Variants in GNB1 observed in about 807,000 individuals in gnomAD.
GNB1 encodes the protein G protein subunit beta 1, also known as guanine nucleotide-binding protein G(I)/G(S)/G(T) subunit beta-1.
In GNB1, 2 loss-of-function variants were observed where a neutral mutation model predicts 42.9. The ratio of observed to expected loss-of-function variants is 0.05; its 90% confidence interval spans 0.02 to 0.15. The LOEUF (loss-of-function observed/expected upper bound fraction) is 0.15. Among genes scored for constraint, GNB1 ranks in the 10% least tolerant of loss-of-function variants. The pLI is 1.00. For synonymous variants in GNB1, 183 were observed against 174.7 expected (o/e 1.05, Z -0.38); for missense variants, 193 against 462.2 (o/e 0.42, Z 5.34).
rs1347068196 is a variant in GNB1, at chr1:1,796,638, G to A, written c.431-3327C>T. On this transcript the variant is annotated intron_variant, in intron 7 of 11. Transcript: ENST00000378609. Reference sequence around the variant, plus strand: ...AACACGCCCCTCCTCCCCTGGTGCGGGGGCCTGTGCTGCCACCCTCTGGAA... The same window carrying A: ...AACACGCCCCTCCTCCCCTGGTGCGAGGGCCTGTGCTGCCACCCTCTGGAA... 2.0e-5 allele frequency among the ~76,000 whole-genome samples: 3 copies of A among 152,224 alleles called. No homozygotes were observed. In the East Asian group the frequency reaches 5.8e-4, roughly 29 times the overall value.
chr1:1,815,761 G>A lies in GNB1; in HGVS notation c.198C>T (p.Asp66=). Residue 66 remains aspartate, a synonymous_variant, in exon 5 of 12, where the codon GAC becomes GAT. Coordinates refer to ENST00000378609, the MANE Select transcript of GNB1 (RefSeq NM_002074.5). ...AKIYAMHWGT[D]SRLLVSASQD... is the part of the protein sequence containing the mutation. ...CTGCTCATGCCCACGCCTACCTGGAGTCTGTGCCCCAGTGCATGGCGTAGA... is the reference window on the plus strand; with the variant it reads ...CTGCTCATGCCCACGCCTACCTGGAATCTGTGCCCCAGTGCATGGCGTAGA... The A allele has an allele frequency of 6.4e-7, 1 of 1,553,876 alleles. No individual in the cohort carries two copies. Among genetic ancestry groups the A allele is most frequent in the Non-Finnish European group, 8.9e-7 (1 of 1,124,868 alleles).
At position 1,786,492 on chromosome 1, in the gene GNB1, T is replaced by C. The variant is rs190475894; in HGVS notation, c.*571A>G. On this transcript the variant is annotated 3_prime_UTR_variant, in exon 12 of 12. Transcript: ENST00000378609. ...AAAATTAAAAACCAGGGACTGAATT[T>C]ACATCATTGACAACATCAGAGAGGC... The C allele has an allele frequency of 4.9e-5, 8 of 164,368 alleles. No individual in the cohort carries two copies. The highest frequency in any genetic ancestry group is 1.7e-4 in the East Asian group (1 of 6,012). The allele number at this position is 164,368 out of a possible 1,614,324, so 10.2% of individuals were successfully genotyped here. A position where few individuals can be genotyped will look rare whatever the true frequency, so the allele number is the denominator to read the frequency against.
intron 3 of GNB1, chr1:1,825,057 C>T (rs1646979115): frequency 4.9e-6 from 1 of 203,834 alleles, no homozygotes; most frequent in Non-Finnish European, 9.9e-6. Context: ...GTCAATAGTC[C>T]CAATATTCAG....
chr1:1,796,332 G>A (rs1470852220), intron 7 of GNB1, among the ~76,000 whole-genome samples: 1 of 152,186 alleles, frequency 6.6e-6, no homozygotes, highest in Non-Finnish European at 1.5e-5. Flanking sequence ...GGAAAGCCTC[G>A]TAGGGCCTTC....
intron 1 of GNB1, among the ~76,000 whole-genome samples, chr1:1,880,375 C>T (rs773894601): frequency 6.6e-6 from 1 of 151,944 alleles, no homozygotes; most frequent in South Asian, 2.1e-4. Flanking sequence ...CCGAGGCAGG[C>T]GGATCACGAG....
At chr1:1,855,512 T>G (rs1248837599) in intron 1 of GNB1, among the ~76,000 whole-genome samples, 2 of 151,724 alleles carry the variant, frequency 1.3e-5, no homozygotes, top group African/African-American at 4.8e-5. Context: ...CCATCCTGGC[T>G]AACACAGTGA....
chr1:1,790,603 C>A lies in GNB1; in HGVS notation c.498-7G>T. 6.2e-7 allele frequency: 1 copy of A among 1,606,728 alleles called. No homozygotes were observed. The highest frequency in any genetic ancestry group is 8.5e-7 in the Non-Finnish European group (1 of 1,173,496). On this transcript the variant is annotated splice_polypyrimidine_tract_variant and splice_region_variant and intron_variant, in intron 8 of 11. Coordinates refer to ENST00000378609, the MANE Select transcript of GNB1 (RefSeq NM_002074.5). This position sits in a 1 kb window ranked among gnomAD's most constrained non-coding sequence, Gnocchi z 5.4. Reference sequence around the variant, plus strand: ...CTCGATGTCCCACAGGGCACTGGAGCAGGAGCGAATGACAAGGGGACATCA... The same window carrying A: ...CTCGATGTCCCACAGGGCACTGGAGAAGGAGCGAATGACAAGGGGACATCA...
At chr1:1,849,080 G>A (rs556568649) in intron 1 of GNB1, among the ~76,000 whole-genome samples, 3 of 152,188 alleles carry the variant, frequency 2.0e-5, no homozygotes, top group African/African-American at 7.2e-5. Flanking sequence ...GTGGGAGAGG[G>A]GCTAGAGATT....
At chr1:1,847,456 G>C (rs1392802565) in intron 1 of GNB1, among the ~76,000 whole-genome samples, 1 of 152,130 alleles carries the variant, frequency 6.6e-6, no homozygotes, top group African/African-American at 2.4e-5. Context: ...GCAATGAAGT[G>C]GTCTACTTAC....
chr1:1,880,933 G>A (rs1366879670), intron 1 of GNB1, among the ~76,000 whole-genome samples: 2 of 152,118 alleles, frequency 1.3e-5, no homozygotes, highest in African/African-American at 4.8e-5. Flanking sequence ...AGACAAGAGT[G>A]GGGTAAAACA....
chr1:1,888,765 G>A (rs1353640251), intron 1 of GNB1, among the ~76,000 whole-genome samples: 2 of 152,128 alleles, frequency 1.3e-5, no homozygotes, highest in Non-Finnish European at 2.9e-5. Context: ...TTGAACCCGG[G>A]GGCGCGGAGG....
Position 1,790,340 on chromosome 1 carries a change from G to A in GNB1, c.699+55C>T, listed in dbSNP as rs966354864. ...AGAAAAGTTTAAAATTTAGCAATCT[G>A]AACGGCTAGCAGAGACGGCAGAGGA... On this transcript the variant is annotated intron_variant, in intron 9 of 11. Coordinates refer to ENST00000378609, the MANE Select transcript of GNB1 (RefSeq NM_002074.5). This position sits in a 1 kb window ranked among gnomAD's most constrained non-coding sequence, Gnocchi z 5.4. The A allele has an allele frequency of 8.1e-6, 10 of 1,227,026 alleles. No individual in the cohort carries two copies. Among genetic ancestry groups the A allele is most frequent in the Non-Finnish European group, 1.2e-5 (10 of 828,202 alleles). 76.0% of individuals were successfully genotyped at this position (1,227,026 alleles called of 1,614,324 possible).
At chr1:1,887,215 T>C (rs1212361508) in intron 1 of GNB1, among the ~76,000 whole-genome samples, 1 of 152,128 alleles carries the variant, frequency 6.6e-6, no homozygotes, top group African/African-American at 2.4e-5. Flanking sequence ...ATGAGCCAAA[T>C]CTTTCGGGCA....
chr1:1,847,885 G>T (rs969733662), intron 1 of GNB1, among the ~76,000 whole-genome samples: 2 of 152,214 alleles, frequency 1.3e-5, no homozygotes, highest in African/African-American at 4.8e-5. Context: ...CACCTTGACA[G>T]ATGTCAGTAC....
chr1:1,796,544 T>C (rs542519925), intron 7 of GNB1, among the ~76,000 whole-genome samples: 8 of 152,246 alleles, frequency 5.3e-5, no homozygotes, highest in East Asian at 1.9e-4. Flanking sequence ...ATGGAGACAG[T>C]TACTATTTCT....
At chr1:1,820,391 T>G (rs1049628584) in intron 3 of GNB1, among the ~76,000 whole-genome samples, 3 of 146,116 alleles carry the variant, frequency 2.1e-5, no homozygotes, top group Admixed American at 6.8e-5. Flanking sequence ...GGAACTATAC[T>G]GAGATTATTA....
chr1:1,810,535 C>CAAAAAAA, intron 5 of GNB1, among the ~76,000 whole-genome samples: 2 of 73,122 alleles, frequency 2.7e-5, no homozygotes, highest in Admixed American at 1.7e-4. Context: ...GACCCAGTCT[C>CAAAAAAA]AAAAAAAAAA....
rs71578347 is a variant in GNB1 at position 1,869,185 on chromosome 1, CAAAAAAAA to C, written c.-96+21627_-96+21634del. ...TGGGCAACAGAGCAAGACACCTTCT[CAAAAAAAA>C]AAAAAAAAAAAAAAAAAAGAATAAG... On this transcript the variant is annotated intron_variant, in intron 1 of 11. Coordinates refer to ENST00000378609, the MANE Select transcript of GNB1 (RefSeq NM_002074.5). Among the ~76,000 whole-genome samples the C allele has an allele frequency of 9.7e-3, 260 of 26,746 alleles. 1 individual carries two copies. Among genetic ancestry groups the C allele is most frequent in the African/African-American group, 0.03 (232 of 7,784 alleles). The allele number at this position is 26,746 out of a possible 152,430, so 17.5% of individuals were successfully genotyped here.
At chr1:1,881,091 G>A (rs749285524) in intron 1 of GNB1, among the ~76,000 whole-genome samples, 1 of 152,082 alleles carries the variant, frequency 6.6e-6, no homozygotes, top group African/African-American at 2.4e-5. Flanking sequence ...CCGTACCCTC[G>A]ATGCAAAACA....
Sources: gnomAD v4.1 joint callset for allele counts (sites outside exome capture counted in the v4.1 genomes callset) on GRCh38, gnomAD v4.1.1 for gene constraint, Gnocchi (gnomAD v3.1) non-coding constraint, MANE v1.5 for transcripts, NCBI Gene and HGNC (gene_info 2026-07-23, HGNC 2026-07-21) for gene names.